BIN1: variants seen among roughly 807,000 people sequenced by gnomAD.
BIN1 encodes the protein bridging integrator 1.
BIN1 carries 53 observed loss-of-function variants against 82.0 expected under a neutral mutation model. The observed-to-expected ratio is 0.65, with a 90% CI of 0.52 to 0.81. The LOEUF is 0.81. BIN1 is among the 40% of genes least tolerant of loss of function. The pLI, the probability that BIN1 is intolerant of heterozygous loss-of-function variation, is 0.00. For synonymous variants in BIN1, 302 were observed against 328.0 expected (o/e 0.92, Z 0.86); for missense variants, 642 against 784.4 (o/e 0.82, Z 2.17).
rs768921019 is a variant in BIN1 at position 127,090,518 on chromosome 2, C to T, written c.85-13812G>A. 2.6e-4 allele frequency among the ~76,000 whole-genome samples: 39 copies of T among 152,358 alleles called. No individual in the cohort carries two copies. In the Middle Eastern group the frequency reaches 0.01, roughly 40 times the overall value. On this transcript the variant is annotated intron_variant, in intron 1 of 18. Coordinates refer to ENST00000316724, the MANE Select transcript of BIN1 (RefSeq NM_139343.3). The surrounding 1 kb of genome is among the most constrained non-coding windows in gnomAD (Gnocchi z 6.4). The stretch of plus-strand genomic sequence containing the variant: ...GCCCATCTGTCCCTCCACACAAGTG[C>T]GGGTGCTATTCTCAGCCCAGCTCCA...
Position 127,070,753 on chromosome 2 carries a change from G to A in BIN1, c.220+9C>T. ...TACACGGGCCAGGTGCGCTCTGCCT[G>A]CCTCCTACCTTTGACGGAGGCCAGG... On this transcript the variant is annotated intron_variant, in intron 3 of 18. Transcript: ENST00000316724. The A allele has an allele frequency of 6.2e-7, 1 of 1,613,824 alleles. No homozygotes were observed. The highest frequency in any genetic ancestry group is 8.5e-7 in the Non-Finnish European group (1 of 1,179,974).
At chr2:127,101,528 A>G (rs933784255) in intron 1 of BIN1, among the ~76,000 whole-genome samples, 3 of 152,086 alleles carry the variant, frequency 2.0e-5, no homozygotes, top group Non-Finnish European at 4.4e-5. Context: ...TTTCTTCACC[A>G]TCTCCCCTGG....
intron 12 of BIN1, chr2:127,054,219 C>A: frequency 1.6e-6 from 1 of 611,188 alleles, no homozygotes; most frequent in Non-Finnish European, 3.0e-6. Context: ...GAGCACTGCC[C>A]AAAGCCACGC....
chr2:127,101,405 C>T (rs1680335130), intron 1 of BIN1, among the ~76,000 whole-genome samples: 1 of 152,190 alleles, frequency 6.6e-6, no homozygotes, highest in African/African-American at 2.4e-5. Flanking sequence ...ACGTCCACAT[C>T]TCAATCCTCA....
chr2:127,103,522 G>A (rs573831335), intron 1 of BIN1, among the ~76,000 whole-genome samples: 1 of 152,234 alleles, frequency 6.6e-6, no homozygotes, highest in South Asian at 2.1e-4. Context: ...CTGCCGGGAG[G>A]GAGGGACAGC....
At chr2:127,048,872 C>T (rs571658539) in intron 18 of BIN1, among the ~76,000 whole-genome samples, 2 of 152,370 alleles carry the variant, frequency 1.3e-5, no homozygotes, top group African/African-American at 2.4e-5. Flanking sequence ...TCTAACCATT[C>T]GTGGCTGGTT....
chr2:127,070,061 G>T lies in BIN1; in HGVS notation c.345C>A (p.His115Gln). Residue 115 changes from histidine (H) to glutamine (Q), a missense_variant, in exon 5 of 19, where the codon CAC (histidine) becomes CAA (glutamine). By Grantham distance (24) the His-to-Gln change is conservative. Coordinates refer to ENST00000316724, the MANE Select transcript of BIN1 (RefSeq NM_139343.3). ...GCAGCGCCTGGTCCACCAGCTTCTG[G>T]TGGTAATCCATCCACAGCAGGTCGT... ...ENNDLLWMDY[H>Q]QKLVDQALLT... 1.9e-6 allele frequency: 3 copies of T among 1,614,136 alleles called. No individual in the cohort carries two copies. The highest frequency in any genetic ancestry group is 2.5e-6 in the Non-Finnish European group (3 of 1,180,002).
Position 127,093,453 on chromosome 2 carries a change from C to T in BIN1, c.84+13407G>A, listed in dbSNP as rs1221177399. On this transcript the variant is annotated intron_variant, in intron 1 of 18. Coordinates refer to ENST00000316724, the MANE Select transcript of BIN1 (RefSeq NM_139343.3). The surrounding 1 kb of genome is among the most constrained non-coding windows in gnomAD (Gnocchi z 5.7). ...CCCACTCCCTTCACCCCTGAAGACCCTCATTCCACAGGGGTCCTGCGCTGT... is the reference window on the plus strand; with the variant it reads ...CCCACTCCCTTCACCCCTGAAGACCTTCATTCCACAGGGGTCCTGCGCTGT... Among the ~76,000 whole-genome samples, 5 of 152,210 alleles carry T rather than the reference C, an allele frequency of 3.3e-5. No homozygotes were observed. The highest frequency in any genetic ancestry group is 4.8e-5 in the African/African-American group (2 of 41,440).
intron 1 of BIN1, among the ~76,000 whole-genome samples, chr2:127,085,131 G>A (rs1298448766): frequency 2.0e-5 from 3 of 152,192 alleles, no homozygotes; most frequent in Non-Finnish European, 2.9e-5. Flanking sequence ...TAGAATGAGG[G>A]TCCCAGACTC....
intron 11 of BIN1, among the ~76,000 whole-genome samples, chr2:127,058,527 CCACCCCA>C (rs964561017): frequency 7.4e-5 from 11 of 147,688 alleles, no homozygotes; most frequent in Non-Finnish European, 1.5e-4. Context: ...GCCCCCTTAG[CCACCCCA>C]CACCCTCCTC....
intron 15 of BIN1, among the ~76,000 whole-genome samples, chr2:127,051,764 C>T (rs141768273): frequency 1.6e-4 from 24 of 152,134 alleles, no homozygotes; most frequent in Non-Finnish European, 2.5e-4. Flanking sequence ...ATGGGCACCG[C>T]AGCACGGGCA....
Position 127,082,453 on chromosome 2 carries a change from G to A in BIN1, c.85-5747C>T, listed in dbSNP as rs1360981901. ...GGACATCGCAGGACAAGTCTGCACC[G>A]AGACCAGGGTTGGCGTGGGCAGGCC... On this transcript the variant is annotated intron_variant, in intron 1 of 18. Coordinates refer to ENST00000316724, the MANE Select transcript of BIN1 (RefSeq NM_139343.3). This position sits in a 1 kb window ranked among gnomAD's most constrained non-coding sequence, Gnocchi z 6.1. Among the ~76,000 whole-genome samples, 1 of 152,094 alleles carries A rather than the reference G, an allele frequency of 6.6e-6. No homozygotes were observed. Among genetic ancestry groups the A allele is most frequent in the Admixed American group, 6.5e-5 (1 of 15,288 alleles).
chr2:127,071,683 G>C (rs1248219255), intron 2 of BIN1, among the ~76,000 whole-genome samples: 2 of 152,212 alleles, frequency 1.3e-5, no homozygotes, highest in Non-Finnish European at 2.9e-5. Flanking sequence ...TGCTCAGTGA[G>C]CTGCAGAAGT....
Position 127,068,398 on chromosome 2 carries a change from GA to G in BIN1, c.520-144del, listed in dbSNP as rs1685429674. 1 of 625,860 alleles carries G rather than the reference GA, an allele frequency of 1.6e-6. No individual in the cohort carries two copies. Among genetic ancestry groups the G allele is most frequent in the Non-Finnish European group, 2.8e-6 (1 of 358,688 alleles). 38.8% of individuals were successfully genotyped at this position (625,860 alleles called of 1,614,324 possible). On this transcript the variant is annotated intron_variant, in intron 6 of 18. Coordinates refer to ENST00000316724, the MANE Select transcript of BIN1 (RefSeq NM_139343.3). The surrounding 1 kb of genome is among the most constrained non-coding windows in gnomAD (Gnocchi z 4.9). ...AGCAGATATGGGCCCTTGAGGCCGA[GA>G]GAATTAGGGGGAGCCCGGGGGGTAA...
At chr2:127,054,354 C>A (rs368324098) in intron 12 of BIN1, 4 of 361,674 alleles carry the variant, frequency 1.1e-5, no homozygotes, top group East Asian at 6.7e-5. Flanking sequence ...CTCTCTTCCG[C>A]CACCATCCAC....
intron 1 of BIN1, among the ~76,000 whole-genome samples, chr2:127,081,352 C>T (rs1046280604): frequency 2.6e-5 from 4 of 152,218 alleles, no homozygotes; most frequent in African/African-American, 7.2e-5. Flanking sequence ...AGCCTGACAC[C>T]GTCCAGTCAG....
At chr2:127,062,423 GC>G (rs1255615047) in intron 9 of BIN1, among the ~76,000 whole-genome samples, 1 of 152,252 alleles carries the variant, frequency 6.6e-6, no homozygotes, top group Non-Finnish European at 1.5e-5. Flanking sequence ...GTCTCTGGAA[GC>G]CATCTTTTCC....
Position 127,053,926 on chromosome 2 carries a change from C to A in BIN1, c.1218G>T (p.Lys406Asn), listed in dbSNP as rs780753753. The change falls in exon 13 of 19, where the codon AAG (lysine) becomes AAT (asparagine). Residue 406 changes from lysine to asparagine, a missense_variant. Coordinates refer to ENST00000316724, the MANE Select transcript of BIN1 (RefSeq NM_139343.3). The stretch of plus-strand genomic sequence containing the variant: ...CAACCTGACCAGAGGGCGTGGGTGC[C>A]TTCACAGGGCTCGTCACGGGCGGGA... ...DPLPPVTSPV[K>N]APTPSGQSIP... 7.7e-6 allele frequency: 12 copies of A among 1,551,492 alleles called. No homozygotes were observed. In the South Asian group the frequency reaches 1.4e-4, roughly 18 times the overall value.
At chr2:127,098,016 A>C (rs1230575541) in intron 1 of BIN1, among the ~76,000 whole-genome samples, 1 of 152,166 alleles carries the variant, frequency 6.6e-6, no homozygotes. Context: ...CCCAACCCAC[A>C]GTCCTGGGAT....
Sources: allele counts gnomAD v4.1 joint callset (sites outside exome capture counted in the v4.1 genomes callset), GRCh38; gene constraint gnomAD v4.1.1; non-coding constraint Gnocchi (gnomAD v3.1); transcripts MANE v1.5; gene names NCBI Gene and HGNC (gene_info 2026-07-23, HGNC 2026-07-21).